The following EDDM13 variants were observed in gnomAD, a reference collection of about 807,000 sequenced individuals.
The protein encoded by EDDM13 is epididymal protein 13.
A neutral mutation model predicts 17.8 loss-of-function variants in EDDM13; 24 were observed. That is an observed-to-expected ratio of 1.35 (90% confidence interval 0.98 to 1.90). The LOEUF (loss-of-function observed/expected upper bound fraction) is 1.90. Among genes scored for constraint, EDDM13 ranks in the 40% most tolerant of loss-of-function variants. EDDM13 has a pLI of 0.00. For synonymous variants in EDDM13, 31 were observed against 37.5 expected (o/e 0.83, Z 0.63); for missense variants, 97 against 100.8 (o/e 0.96, Z 0.16).
intron 9 of EDDM13, among the ~76,000 whole-genome samples, chr19:56,295,568 C>G (rs1016966742): frequency 6.6e-5 from 10 of 152,114 alleles, no homozygotes; most frequent in African/African-American, 2.2e-4. Flanking sequence ...GCACCCCAGT[C>G]TGGGCAACAG....
intron 9 of EDDM13, among the ~76,000 whole-genome samples, chr19:56,292,458 C>CTTTT (rs899365291): frequency 1.5e-5 from 2 of 135,190 alleles, no homozygotes; most frequent in Non-Finnish European, 3.3e-5. Flanking sequence ...TCTGTTTTTA[C>CTTTT]TTTTTTTTTT....
chr19:56,298,286 T>C (rs1292715234), intron 12 of EDDM13: 1 of 152,090 alleles, frequency 6.6e-6, no homozygotes, highest in Non-Finnish European at 1.5e-5. Context: ...ATTGAAAGTT[T>C]AGATAAAACG....
intron 2 of EDDM13, among the ~76,000 whole-genome samples, chr19:56,276,963 A>G (rs973054417): frequency 6.6e-6 from 1 of 152,146 alleles, no homozygotes; most frequent in Non-Finnish European, 1.5e-5. Context: ...AACTATTTCT[A>G]TTTACAAATA....
chr19:56,276,036 C>A (rs2038223004), intron 1 of EDDM13, among the ~76,000 whole-genome samples, 56 bp from the exon 2 acceptor site: 2 of 152,198 alleles, frequency 1.3e-5, no homozygotes, highest in South Asian at 4.1e-4. Flanking sequence ...ATGCTAATTT[C>A]TCTCTCTGCT....
chr19:56,273,982 C>T lies in EDDM13; in HGVS notation c.85+1063C>T, dbSNP rs571764631. On this transcript the variant is annotated intron_variant, in intron 1 of 14. Coordinates refer to ENST00000649256, the MANE Select transcript of EDDM13 (RefSeq NM_001354658.2). ...CACACAAGTTAGAAAACGTTTTGGT[C>T]ATCAGGGTGAAGATGGGGATAAGTA... 5.9e-5 allele frequency among the ~76,000 whole-genome samples: 9 copies of T among 152,118 alleles called. No homozygotes were observed. The South Asian group carries it at 1.9e-3, about 32-fold the overall frequency.
chr19:56,288,561 A>T (rs185057632), intron 7 of EDDM13, among the ~76,000 whole-genome samples, 123 bp downstream of exon 7: 287 of 152,218 alleles, frequency 1.9e-3, no homozygotes, highest in Admixed American at 0.012. Context: ...CTAGTCTGTG[A>T]GCTCCCTGAG....
chr19:56,274,104 T>C (rs1312875603), intron 1 of EDDM13, among the ~76,000 whole-genome samples: 1 of 152,178 alleles, frequency 6.6e-6, no homozygotes, highest in Non-Finnish European at 1.5e-5. Context: ...AGGCTCTCTT[T>C]ATACATACAT....
chr19:56,275,194 G>A (rs556272212), intron 1 of EDDM13, among the ~76,000 whole-genome samples: 16 of 152,154 alleles, frequency 1.1e-4, no homozygotes, highest in Admixed American at 2.6e-4. Context: ...TACGCTGGGG[G>A]AGAAATTTTG....
chr19:56,278,300 AT>A (rs1235153265), intron 2 of EDDM13, among the ~76,000 whole-genome samples: 3 of 152,118 alleles, frequency 2.0e-5, no homozygotes, highest in Admixed American at 2.0e-4. Flanking sequence ...TGCCTGGCTA[AT>A]TTTTGTATAT....
chr19:56,286,851 C>T (rs558823401), intron 6 of EDDM13, among the ~76,000 whole-genome samples: 14 of 152,208 alleles, frequency 9.2e-5, no homozygotes, highest in Middle Eastern at 6.3e-3. Context: ...CCCGGCAGAG[C>T]GAATGCTAGT....
intron 1 of EDDM13, chr19:56,274,675 A>C (rs376335491): frequency 1.3e-4 from 20 of 152,332 alleles, no homozygotes; most frequent in East Asian, 9.6e-4. Context: ...TACAGACCTC[A>C]TTCAAATTTT....
At chr19:56,274,774 G>C (rs1280816806) in intron 1 of EDDM13, 1 of 151,660 alleles carries the variant, frequency 6.6e-6, no homozygotes, top group Admixed American at 6.6e-5. Flanking sequence ...TTTTTGTTTT[G>C]TTTTGTTTTG....
intron 6 of EDDM13, among the ~76,000 whole-genome samples, chr19:56,285,371 G>A (rs929853079): frequency 2.6e-5 from 4 of 152,168 alleles, no homozygotes; most frequent in African/African-American, 4.8e-5. Flanking sequence ...CTAGTCTCAC[G>A]TGTATTCTCC....
intron 8 of EDDM13, among the ~76,000 whole-genome samples, chr19:56,289,868 C>T (rs1265503271): frequency 6.6e-6 from 1 of 152,182 alleles, no homozygotes; most frequent in Non-Finnish European, 1.5e-5. Flanking sequence ...CCCATCTCAG[C>T]CTGCCAAAGT....
chr19:56,296,743 A>C (rs1444232087), intron 11 of EDDM13, among the ~76,000 whole-genome samples: 1 of 151,946 alleles, frequency 6.6e-6, no homozygotes, highest in Non-Finnish European at 1.5e-5. Flanking sequence ...CGGGAAACTT[A>C]AGTTTTTTGG....
At chr19:56,309,312 G>T (rs890956120) in intron 14 of EDDM13, among the ~76,000 whole-genome samples, 1 of 149,696 alleles carries the variant, frequency 6.7e-6, no homozygotes, top group Admixed American at 6.6e-5. Context: ...AAGGAACAAG[G>T]GGAGTGACTG....
intron 13 of EDDM13, among the ~76,000 whole-genome samples, chr19:56,303,181 C>T (rs1200510375): frequency 6.6e-6 from 1 of 152,060 alleles, no homozygotes; most frequent in Non-Finnish European, 1.5e-5. Context: ...AGGCAGGGTG[C>T]AAGAAACTAC....
chr19:56,302,385 TCCTC>T (rs1417619848), intron 13 of EDDM13, among the ~76,000 whole-genome samples: 2 of 136,528 alleles, frequency 1.5e-5, no homozygotes, highest in African/African-American at 5.4e-5. Flanking sequence ...TCCTTCTCTC[TCCTC>T]CCTCCCTATT....
chr19:56,302,393 C>T (rs547442380), intron 13 of EDDM13, among the ~76,000 whole-genome samples: 112 of 144,516 alleles, frequency 7.8e-4, no homozygotes, highest in South Asian at 1.4e-3. Context: ...TCTCCTCCCT[C>T]CCTATTCTTT....
Sources: allele counts gnomAD v4.1 joint callset (sites outside exome capture counted in the v4.1 genomes callset), GRCh38; gene constraint gnomAD v4.1.1; transcripts MANE v1.5; gene names NCBI Gene and HGNC (gene_info 2026-07-23, HGNC 2026-07-21).